MRPS27: variants seen among roughly 807,000 people sequenced by gnomAD.
The protein encoded by MRPS27 is mitochondrial ribosomal protein S27, also known as small ribosomal subunit protein mS27.
Under a neutral mutation model 48.9 loss-of-function variants are expected in MRPS27, and 43 were observed. The observed-to-expected ratio is 0.88, with a 90% CI of 0.69 to 1.13. MRPS27 has a LOEUF of 1.13. Among genes scored for constraint, MRPS27 ranks in the 50% most tolerant of loss-of-function variants. The pLI is 0.00. For missense variants in MRPS27, 467 were observed against 476.3 expected (o/e 0.98, Z 0.18); for synonymous variants, 188 against 171.9 (o/e 1.09, Z -0.73).
At chr5:72,318,301 G>A (rs1750614986) in intron 1 of MRPS27, among the ~76,000 whole-genome samples, 1 of 152,338 alleles carries the variant, frequency 6.6e-6, no homozygotes, top group Non-Finnish European at 1.5e-5. Flanking sequence ...GGTTGACTCT[G>A]CAGATGCAGA....
chr5:72,222,669 G>T (rs1029806144), intron 10 of MRPS27: 3 of 152,158 alleles, frequency 2.0e-5, no homozygotes, highest in Admixed American at 1.3e-4. Context: ...AAATACACAA[G>T]ATTAAGCAAA....
chr5:72,297,552 TA>T, intron 3 of MRPS27, 79 bp downstream of exon 3: 1 of 814,784 alleles, frequency 1.2e-6, no homozygotes. Context: ...ATTTTTTATT[TA>T]CACAGCCTCA....
In MRPS27 at chr5:72,221,151, G is replaced by A. The variant is rs1747729621; in HGVS notation, c.1006-3C>T. On this transcript the variant is annotated splice_polypyrimidine_tract_variant and splice_region_variant and intron_variant, in intron 10 of 10. Coordinates refer to ENST00000261413, the MANE Select transcript of MRPS27 (RefSeq NM_015084.3). The stretch of plus-strand genomic sequence containing the variant: ...GCTTGAAGCTTAGAATGTAAGGCCT[G>A]TTGGAAACAAATGGGAAAAATGAGA... 1.9e-6 allele frequency: 3 copies of A among 1,613,028 alleles called. No homozygotes were observed. The highest frequency in any genetic ancestry group is 1.7e-5 in the Admixed American group (1 of 59,760).
At chr5:72,224,205 A>G (rs140912474) in intron 9 of MRPS27, among the ~76,000 whole-genome samples, 1,561 of 151,968 alleles carry the variant, frequency 0.01, 13 homozygotes, top group Middle Eastern at 0.02. Context: ...ACTTAAAAAA[A>G]AAAAAAAGCC....
At chr5:72,289,838 C>T (rs1580102884) in intron 4 of MRPS27, among the ~76,000 whole-genome samples, 1 of 152,096 alleles carries the variant, frequency 6.6e-6, no homozygotes, top group South Asian at 2.1e-4. Context: ...TTATTGACAC[C>T]CGGATAGTAG....
intron 4 of MRPS27, among the ~76,000 whole-genome samples, chr5:72,244,777 T>C (rs1982192): frequency 0.68 from 103,103 of 151,816 alleles, 36,285 homozygotes; most frequent in African/African-American, 0.87. Flanking sequence ...CCTTGGCCTC[T>C]CATCATGCCT....
At chr5:72,242,818 A>G (rs773164397) in intron 4 of MRPS27, among the ~76,000 whole-genome samples, 3 of 152,236 alleles carry the variant, frequency 2.0e-5, no homozygotes, top group Non-Finnish European at 4.4e-5. Flanking sequence ...TTGAACGGCT[A>G]AAGTGGCAAT....
At chr5:72,223,644 T>A (rs765735710) in intron 10 of MRPS27, 39 bp downstream of exon 10, 1 of 1,609,658 alleles carries the variant, frequency 6.2e-7, no homozygotes, top group Non-Finnish European at 8.5e-7. Flanking sequence ...AAGTGTGTTT[T>A]ATGCGCTGCT....
At chr5:72,246,398 C>CA (rs1190703059) in intron 4 of MRPS27, among the ~76,000 whole-genome samples, 1 of 152,150 alleles carries the variant, frequency 6.6e-6, no homozygotes, top group African/African-American at 2.4e-5. Context: ...TTCCTTCTCA[C>CA]AATACATCAA....
chr5:72,273,400 C>T (rs1264595172), intron 4 of MRPS27, among the ~76,000 whole-genome samples: 1 of 152,186 alleles, frequency 6.6e-6, no homozygotes, highest in East Asian at 1.9e-4. Flanking sequence ...TCATCCATTG[C>T]TTAACAACAG....
intron 4 of MRPS27, among the ~76,000 whole-genome samples, chr5:72,242,651 A>G (rs1405113668): frequency 1.5e-5 from 2 of 133,802 alleles, no homozygotes; most frequent in Non-Finnish European, 3.1e-5. Flanking sequence ...TAGGCAACAC[A>G]GCGAGACCCC....
intron 4 of MRPS27, among the ~76,000 whole-genome samples, chr5:72,283,894 T>A (rs924037309): frequency 6.6e-6 from 1 of 152,128 alleles, no homozygotes; most frequent in African/African-American, 2.4e-5. Context: ...CTGCCATTAA[T>A]CCTGCTGATC....
chr5:72,290,057 A>C (rs1167796319), intron 4 of MRPS27, among the ~76,000 whole-genome samples: 1 of 152,238 alleles, frequency 6.6e-6, no homozygotes, highest in East Asian at 1.9e-4. Context: ...AGCTTGTCAT[A>C]ACCATGAAAA....
chr5:72,257,190 T>C (rs923036575), intron 4 of MRPS27, among the ~76,000 whole-genome samples: 4 of 152,104 alleles, frequency 2.6e-5, no homozygotes, highest in South Asian at 2.1e-4. Flanking sequence ...GCCAGTCCTA[T>C]TACAAATAGC....
intron 4 of MRPS27, among the ~76,000 whole-genome samples, chr5:72,270,310 G>A (rs897694584): frequency 1.3e-5 from 2 of 150,198 alleles, no homozygotes; most frequent in Non-Finnish European, 3.0e-5. Flanking sequence ...TTAATTAAAG[G>A]CTATTCCTTA....
intron 4 of MRPS27, among the ~76,000 whole-genome samples, chr5:72,256,625 G>C (rs1187291597): frequency 3.3e-5 from 5 of 152,182 alleles, no homozygotes; most frequent in African/African-American, 4.8e-5. Context: ...GCAGTGGGTG[G>C]AACTGCAGAA....
At chr5:72,300,326 C>T (rs1182816386) in intron 2 of MRPS27, among the ~76,000 whole-genome samples, 32 of 152,194 alleles carry the variant, frequency 2.1e-4, no homozygotes, top group Non-Finnish European at 2.9e-5. Context: ...TAGTAGACTG[C>T]AGACTTCCCT....
At chr5:72,307,245 G>A (rs907743049) in intron 2 of MRPS27, among the ~76,000 whole-genome samples, 1 of 152,118 alleles carries the variant, frequency 6.6e-6, no homozygotes, top group Non-Finnish European at 1.5e-5. Context: ...CCAGCTTCTC[G>A]GGAGGCTGAG....
chr5:72,292,242 G>A (rs1437146336), intron 4 of MRPS27, among the ~76,000 whole-genome samples: 1 of 100,270 alleles, frequency 1.0e-5, no homozygotes, highest in East Asian at 3.2e-4. Flanking sequence ...GAATATAGTT[G>A]CTGGTATTGC....
Sources: gnomAD v4.1 joint callset for allele counts (sites outside exome capture counted in the v4.1 genomes callset) on GRCh38, gnomAD v4.1.1 for gene constraint, MANE v1.5 for transcripts, NCBI Gene and HGNC (gene_info 2026-07-23, HGNC 2026-07-21) for gene names.